Variants in PTGER3 observed in about 807,000 individuals in gnomAD.
PTGER3 encodes the protein prostaglandin E2 receptor EP3 subtype.
In PTGER3, 22 loss-of-function variants were observed where a neutral mutation model predicts 34.7. The observed-to-expected ratio is 0.63, with a 90% CI of 0.45 to 0.91. The LOEUF is 0.91. PTGER3 is among the 40% of genes least tolerant of loss of function. The probability of loss-of-function intolerance (pLI) is 0.00; values close to 1 mark genes in which losing one functional copy is unlikely to be tolerated. For synonymous variants in PTGER3, 241 were observed against 230.1 expected, an observed-to-expected ratio of 1.05 and a Z score of -0.43; for missense variants, 468 against 519.4, an observed-to-expected ratio of 0.90 and a Z score of 0.96.
intron 4 of PTGER3, among the ~76,000 whole-genome samples, chr1:70,903,422 G>A (rs747465346): frequency 1.3e-5 from 2 of 152,070 alleles, no homozygotes; most frequent in South Asian, 2.1e-4. Context: ...AATGCCTTTC[G>A]ATTTACAAAT....
chr1:71,000,792 G>A (rs1656401648), intron 2 of PTGER3, among the ~76,000 whole-genome samples: 1 of 152,036 alleles, frequency 6.6e-6, no homozygotes, highest in African/African-American at 2.4e-5. Flanking sequence ...AAAGAGAAAT[G>A]TATTCAAGAA....
chr1:71,046,606 G>A, intron 1 of PTGER3, 75 bp downstream of exon 1: 1 of 1,475,618 alleles, frequency 6.8e-7, no homozygotes, highest in South Asian at 1.4e-5. Flanking sequence ...TGCGGGTGCT[G>A]CCACTTAGCA....
chr1:71,007,836 ACAATAG>A, intron 2 of PTGER3: 1 of 985,080 alleles, frequency 1.0e-6, no homozygotes, highest in Non-Finnish European at 1.2e-6. Flanking sequence ...AAAGCATTTA[ACAATAG>A]CATTGAAGAG....
chr1:70,908,059 C>T (rs115821531), intron 4 of PTGER3, among the ~76,000 whole-genome samples: 10 of 152,090 alleles, frequency 6.6e-5, no homozygotes, highest in Admixed American at 2.6e-4. Flanking sequence ...TTCCAATAGT[C>T]GGCACTTGCA....
chr1:71,011,864 T>A (rs1657477447), intron 2 of PTGER3: 8 of 1,033,762 alleles, frequency 7.7e-6, no homozygotes, highest in African/African-American at 6.8e-5. Flanking sequence ...CAATGATGTA[T>A]GTGGTTAAAT....
Position 70,971,265 on chromosome 1 carries a change from C to T in PTGER3, c.*465G>A. 1 of 985,854 alleles carries T rather than the reference C, an allele frequency of 1.0e-6. No homozygotes were observed. Among genetic ancestry groups the T allele is most frequent in the Non-Finnish European group, 1.2e-6 (1 of 830,224 alleles). 61.1% of individuals were successfully genotyped at this position (985,854 alleles called of 1,614,324 possible). The stretch of plus-strand genomic sequence containing the variant: ...ATTTGCTTTTATATGTCGTTAAGTT[C>T]ATATCCTATTAATTGAATTATCACT... On this transcript the variant is annotated 3_prime_UTR_variant, in exon 4 of 4. Transcript: ENST00000306666.
intron 2 of PTGER3, chr1:71,002,106 A>T (rs926197375): frequency 1.3e-5 from 2 of 151,842 alleles, no homozygotes; most frequent in African/African-American, 4.8e-5. Context: ...AATAAAAAAT[A>T]AAAAAAATAA....
At chr1:70,992,474 C>T (rs1027435353) in intron 2 of PTGER3, among the ~76,000 whole-genome samples, 1 of 152,162 alleles carries the variant, frequency 6.6e-6, no homozygotes, top group Non-Finnish European at 1.5e-5. Flanking sequence ...ACATGTTGTT[C>T]AAAATTGAAC....
chr1:70,927,710 C>T (rs149148013), intron 4 of PTGER3, among the ~76,000 whole-genome samples: 36 of 152,172 alleles, frequency 2.4e-4, no homozygotes, highest in Admixed American at 1.7e-3. Context: ...ATGCTGGATT[C>T]CCAGAGGTCA....
At chr1:71,040,137 GAGAA>G (rs1395488155) in intron 1 of PTGER3, among the ~76,000 whole-genome samples, 3 of 148,470 alleles carry the variant, frequency 2.0e-5, no homozygotes, top group African/African-American at 7.5e-5. Context: ...AAGAGAAAGA[GAGAA>G]AGAAAAAAAG....
chr1:70,909,058 A>G (rs990664285), intron 4 of PTGER3, among the ~76,000 whole-genome samples: 4 of 152,322 alleles, frequency 2.6e-5, no homozygotes, highest in Non-Finnish European at 5.9e-5. Flanking sequence ...TTATTTCTGC[A>G]TTGTTTATTA....
At chr1:70,980,005 CT>C (rs1654102538) in intron 2 of PTGER3, among the ~76,000 whole-genome samples, 1 of 150,508 alleles carries the variant, frequency 6.6e-6, no homozygotes, top group Non-Finnish European at 1.5e-5. Flanking sequence ...TTGTAGAAGC[CT>C]TAAGAATTCA....
intron 1 of PTGER3, among the ~76,000 whole-genome samples, chr1:71,040,348 C>A (rs1194719429): frequency 4.6e-5 from 7 of 151,934 alleles, no homozygotes; most frequent in African/African-American, 1.7e-4. Flanking sequence ...GCCTGTAATG[C>A]CACAGCACTT....
chr1:70,972,021 AT>A (rs1209630346), intron 3 of PTGER3, among the ~76,000 whole-genome samples: 1 of 152,152 alleles, frequency 6.6e-6, no homozygotes, highest in African/African-American at 2.4e-5. Context: ...GAAATAGAAT[AT>A]TTTCCTATCA....
intron 4 of PTGER3, among the ~76,000 whole-genome samples, chr1:70,939,007 G>A (rs1051756476): frequency 1.3e-5 from 2 of 152,126 alleles, no homozygotes; most frequent in Non-Finnish European, 2.9e-5. Context: ...AGTCTCATCT[G>A]AGACAAGACA....
intron 4 of PTGER3, among the ~76,000 whole-genome samples, chr1:70,858,673 C>G (rs1645862453): frequency 1.3e-5 from 2 of 152,158 alleles, no homozygotes; most frequent in Admixed American, 6.5e-5. Context: ...AACTACATTA[C>G]TGGTCAGATG....
chr1:71,040,405 C>T (rs1248907703), intron 1 of PTGER3, among the ~76,000 whole-genome samples: 1 of 151,812 alleles, frequency 6.6e-6, no homozygotes, highest in East Asian at 1.9e-4. Flanking sequence ...AGTTTGAGAC[C>T]AAACTGCCCA....
intron 1 of PTGER3, among the ~76,000 whole-genome samples, chr1:71,042,548 T>A (rs1660406840): frequency 6.6e-6 from 1 of 152,094 alleles, no homozygotes; most frequent in Admixed American, 6.6e-5. Flanking sequence ...AAGAGAAAAA[T>A]TATAGAATAT....
rs112165858 is a variant in PTGER3, at chr1:70,931,192, C to T, written c.*23+22571G>A. On this transcript the variant is annotated intron_variant, in intron 4 of 4. Transcript: ENST00000370931. Reference sequence around the variant, plus strand: ...AATGATCTCCTTTGACTCTATGTCTCGCATCCAGGTCACCCTGATGCAAGA... The same window carrying T: ...AATGATCTCCTTTGACTCTATGTCTTGCATCCAGGTCACCCTGATGCAAGA... 4.4e-3 allele frequency among the ~76,000 whole-genome samples: 664 copies of T among 152,352 alleles called. 6 individuals carry two copies. The highest frequency in any genetic ancestry group is 0.015 in the African/African-American group (622 of 41,582).
Sources: allele counts gnomAD v4.1 joint callset (sites outside exome capture counted in the v4.1 genomes callset), GRCh38; gene constraint gnomAD v4.1.1; transcripts MANE v1.5; gene names NCBI Gene and HGNC (gene_info 2026-07-23, HGNC 2026-07-21).